The following FGF9 variants were observed in gnomAD, a reference collection of about 807,000 sequenced individuals.
The protein encoded by FGF9 is fibroblast growth factor 9, also known as fibroblast growth factor 9 (glia-activating factor).
A neutral mutation model predicts 19.9 loss-of-function variants in FGF9; 3 were observed. The ratio of observed to expected loss-of-function variants is 0.15; its 90% CI spans 0.07 to 0.39. The LOEUF is 0.39. FGF9 is among the 10% of genes least tolerant of loss of function. The pLI is 1.00. For synonymous variants in FGF9, 107 were observed against 106.9 expected, an observed-to-expected ratio of 1.00 and a Z score of -0.01; for missense variants, 175 against 256.8, an observed-to-expected ratio of 0.68 and a Z score of 2.18.
intron 2 of FGF9, among the ~76,000 whole-genome samples, chr13:21,696,900 G>A (rs143246669): frequency 6.5e-4 from 99 of 152,306 alleles, no homozygotes; most frequent in Admixed American, 1.3e-3. Flanking sequence ...AAAAGCATAT[G>A]TATGATTTAG....
chr13:21,695,487 G>A (rs946775520), intron 2 of FGF9, among the ~76,000 whole-genome samples: 3 of 152,040 alleles, frequency 2.0e-5, no homozygotes, highest in African/African-American at 4.8e-5. Context: ...GGTCTGGGTG[G>A]GAGCTTCTCA....
At chr13:21,676,674 T>C (rs577943428) in intron 1 of FGF9, among the ~76,000 whole-genome samples, 16 of 152,306 alleles carry the variant, frequency 1.1e-4, no homozygotes, top group African/African-American at 3.6e-4. Flanking sequence ...AATCATTAAT[T>C]TTCTGCAGCC....
At chr13:21,686,963 G>C (rs1201798090) in intron 2 of FGF9, among the ~76,000 whole-genome samples, 1 of 152,198 alleles carries the variant, frequency 6.6e-6, no homozygotes, top group African/African-American at 2.4e-5. Flanking sequence ...CATGCTGACT[G>C]CCTCAGACCA....
chr13:21,675,171 G>T (rs1213496527), intron 1 of FGF9, among the ~76,000 whole-genome samples: 3 of 151,998 alleles, frequency 2.0e-5, no homozygotes, highest in Admixed American at 1.3e-4. Context: ...GCGCTCTGGC[G>T]CTCCGCTGTG....
chr13:21,687,486 A>G (rs1280716530), intron 2 of FGF9, among the ~76,000 whole-genome samples: 1 of 152,276 alleles, frequency 6.6e-6, no homozygotes, highest in African/African-American at 2.4e-5. Flanking sequence ...CGGCAAGATC[A>G]GTAAAATGCA....
chr13:21,689,795 C>T (rs1352231120), intron 2 of FGF9, among the ~76,000 whole-genome samples: 1 of 152,184 alleles, frequency 6.6e-6, no homozygotes, highest in Admixed American at 6.5e-5. Context: ...CCTTGAGGCA[C>T]ACTGGAGAAG....
chr13:21,681,996 C>CTTTCT (rs1010099815), intron 2 of FGF9, among the ~76,000 whole-genome samples: 1 of 151,398 alleles, frequency 6.6e-6, no homozygotes, highest in Non-Finnish European at 1.5e-5. Flanking sequence ...TTCTTTCTCT[C>CTTTCT]TTTCTTTTCT....
At chr13:21,685,706 G>T (rs1246531342) in intron 2 of FGF9, among the ~76,000 whole-genome samples, 1 of 152,224 alleles carries the variant, frequency 6.6e-6, no homozygotes, top group Non-Finnish European at 1.5e-5. Flanking sequence ...ATTCAGGGCA[G>T]TGTGAAATTT....
At chr13:21,693,451 A>T (rs2138143998) in intron 2 of FGF9, among the ~76,000 whole-genome samples, 1 of 152,242 alleles carries the variant, frequency 6.6e-6, no homozygotes. Context: ...TGGAAATATC[A>T]TATAGTGCCC....
At chr13:21,681,963 G>T (rs1275576316) in intron 2 of FGF9, among the ~76,000 whole-genome samples, 1 of 151,584 alleles carries the variant, frequency 6.6e-6, no homozygotes, top group Non-Finnish European at 1.5e-5. Flanking sequence ...TTTCAAACTT[G>T]TAATGAAATT....
chr13:21,684,814 G>A (rs1872123090), intron 2 of FGF9, among the ~76,000 whole-genome samples: 1 of 152,194 alleles, frequency 6.6e-6, no homozygotes, highest in Non-Finnish European at 1.5e-5. Flanking sequence ...TTCTCTGTGT[G>A]ACCCATGATG....
chr13:21,676,473 C>T (rs1406245068), intron 1 of FGF9, among the ~76,000 whole-genome samples: 1 of 152,152 alleles, frequency 6.6e-6, no homozygotes, highest in Non-Finnish European at 1.5e-5. Context: ...TTTAGGATTG[C>T]TTCAGGTTCT....
At chr13:21,676,987 G>C (rs1475245492) in intron 1 of FGF9, among the ~76,000 whole-genome samples, 1 of 152,186 alleles carries the variant, frequency 6.6e-6, no homozygotes, top group Non-Finnish European at 1.5e-5. Context: ...GTCCGGTGTG[G>C]TGATTTTCCT....
At chr13:21,677,925 C>T (rs780638333) in intron 1 of FGF9, among the ~76,000 whole-genome samples, 38 of 152,180 alleles carry the variant, frequency 2.5e-4, no homozygotes, top group Non-Finnish European at 2.6e-4. Context: ...GACTTGCCTT[C>T]AGAAACCCAG....
intron 2 of FGF9, among the ~76,000 whole-genome samples, chr13:21,687,255 G>A (rs924965487): frequency 2.0e-5 from 3 of 152,170 alleles, no homozygotes; most frequent in African/African-American, 7.2e-5. Context: ...GGTGGCAGGA[G>A]CCCTGTAGGT....
At chr13:21,675,793 A>T (rs1288714205) in intron 1 of FGF9, among the ~76,000 whole-genome samples, 1 of 152,128 alleles carries the variant, frequency 6.6e-6, no homozygotes, top group African/African-American at 2.4e-5. Flanking sequence ...ATGCAGCCGC[A>T]GGTGACTGCA....
chr13:21,673,548 C>T (rs1029780262), intron 1 of FGF9, among the ~76,000 whole-genome samples: 3 of 152,240 alleles, frequency 2.0e-5, no homozygotes, highest in Non-Finnish European at 2.9e-5. Context: ...TGAAATATAA[C>T]TATCCCCTCC....
intron 1 of FGF9, among the ~76,000 whole-genome samples, chr13:21,676,783 A>G (rs998295202): frequency 6.6e-6 from 1 of 152,212 alleles, no homozygotes; most frequent in Non-Finnish European, 1.5e-5. Flanking sequence ...GAACCATGTC[A>G]TGAGGGCCAG....
intron 2 of FGF9, among the ~76,000 whole-genome samples, chr13:21,692,258 C>A (rs1436835835): frequency 6.6e-6 from 1 of 152,206 alleles, no homozygotes; most frequent in Non-Finnish European, 1.5e-5. Flanking sequence ...TTTCTCCCTC[C>A]CCACTTTGCT....
Sources: allele counts gnomAD v4.1 joint callset (sites outside exome capture counted in the v4.1 genomes callset), GRCh38; gene constraint gnomAD v4.1.1; transcripts MANE v1.5; gene names NCBI Gene and HGNC (gene_info 2026-07-23, HGNC 2026-07-21).